Variants in IMPG2 observed in about 807,000 individuals in gnomAD.
The protein encoded by IMPG2 is interphotoreceptor matrix proteoglycan 2.
IMPG2 carries 91 observed loss-of-function variants against 129.2 expected under a neutral mutation model. The observed-to-expected ratio is 0.70, with a 90% CI of 0.59 to 0.84. IMPG2 has a LOEUF of 0.84. Ranked by LOEUF, IMPG2 falls within the 40% of genes least tolerant of loss-of-function variation. IMPG2 has a pLI of 0.00. For missense variants in IMPG2, 1,430 were observed against 1,461.7 expected, an observed-to-expected ratio of 0.98 and a Z score of 0.35; for synonymous variants, 510 against 517.7, an observed-to-expected ratio of 0.99 and a Z score of 0.20.
chr3:101,298,887 T>C (rs904727980), intron 3 of IMPG2, among the ~76,000 whole-genome samples: 3 of 152,196 alleles, frequency 2.0e-5, no homozygotes, highest in South Asian at 2.1e-4. Flanking sequence ...TTGGGGTTGA[T>C]CTTCTCATGC....
rs560007101 is a variant in IMPG2 at position 101,244,064 on chromosome 3, T to C, written c.2267A>G (p.Tyr756Cys). Residue 756 changes from tyrosine to cysteine, a missense_variant, in exon 13 of 19, where the codon TAT (tyrosine) becomes TGT (cysteine). Transcript: ENST00000193391. Reference protein sequence around the residue: ...DMEQITESSNYEWFDSEVSMV... With the variant: ...DMEQITESSNCEWFDSEVSMV... Reference sequence around the variant, plus strand: ...TGAAACCTCACTGTCAAACCATTCATAGTTGGATGACTCAGTAATTTGTTC... The same window carrying C: ...TGAAACCTCACTGTCAAACCATTCACAGTTGGATGACTCAGTAATTTGTTC... 19 of 1,614,026 alleles carry C rather than the reference T, an allele frequency of 1.2e-5. No homozygotes were observed. The highest frequency in any genetic ancestry group is 1.1e-4 in the East Asian group (5 of 44,882).
intron 11 of IMPG2, among the ~76,000 whole-genome samples, chr3:101,252,821 G>A (rs768216666): frequency 3.3e-5 from 5 of 152,026 alleles, no homozygotes; most frequent in Admixed American, 2.0e-4. Flanking sequence ...AATTTCCATC[G>A]CTCCATTAAA....
intron 5 of IMPG2, among the ~76,000 whole-genome samples, chr3:101,276,204 T>A (rs1440352639): frequency 6.6e-6 from 1 of 152,188 alleles, no homozygotes; most frequent in Non-Finnish European, 1.5e-5. Context: ...TGGGGTTTTT[T>A]AATTAAAAAT....
At chr3:101,236,869 C>T (rs556024652) in intron 14 of IMPG2, among the ~76,000 whole-genome samples, 14 of 152,112 alleles carry the variant, frequency 9.2e-5, no homozygotes, top group Non-Finnish European at 1.6e-4. Flanking sequence ...AAGATAGAAC[C>T]GTTTACTGCC....
At chr3:101,264,881 T>TCCCC (rs1706706413) in intron 9 of IMPG2, among the ~76,000 whole-genome samples, 1 of 151,362 alleles carries the variant, frequency 6.6e-6, no homozygotes, top group South Asian at 2.1e-4. Flanking sequence ...CTTAAAAAAA[T>TCCCC]CCAGTGGCAT....
intron 11 of IMPG2, 55 bp from the exon 12 acceptor site, chr3:101,246,160 T>A (rs565476742): frequency 1.3e-6 from 2 of 1,530,530 alleles, no homozygotes; most frequent in African/African-American, 2.7e-5. Flanking sequence ...ATATAAAAAG[T>A]GATTTTAAAT....
intron 14 of IMPG2, among the ~76,000 whole-genome samples, chr3:101,236,032 T>G (rs1248400408): frequency 6.6e-6 from 1 of 152,198 alleles, no homozygotes; most frequent in Non-Finnish European, 1.5e-5. Flanking sequence ...GATAAAGCCT[T>G]CTCCATTACC....
chr3:101,304,996 A>G (rs1707174057), intron 2 of IMPG2, among the ~76,000 whole-genome samples: 1 of 152,126 alleles, frequency 6.6e-6, no homozygotes. Context: ...ACAGAAAATA[A>G]TAATCTTTTT....
At chr3:101,248,336 C>T (rs1706506090) in intron 11 of IMPG2, among the ~76,000 whole-genome samples, 2 of 152,190 alleles carry the variant, frequency 1.3e-5, no homozygotes, top group Admixed American at 6.5e-5. Flanking sequence ...GTGACACGTG[C>T]CTTTCACCTT....
At chr3:101,262,184 T>C (rs1410306076) in intron 9 of IMPG2, among the ~76,000 whole-genome samples, 1 of 152,090 alleles carries the variant, frequency 6.6e-6, no homozygotes. Context: ...TATAGCTTCT[T>C]TTAGGAAGAA....
intron 10 of IMPG2, among the ~76,000 whole-genome samples, chr3:101,254,385 G>T (rs773236159): frequency 6.6e-6 from 1 of 152,052 alleles, no homozygotes; most frequent in Non-Finnish European, 1.5e-5. Flanking sequence ...TTCTCTTCTA[G>T]AAGCATTGCA....
At chr3:101,229,313 AC>A in intron 17 of IMPG2, 66 bp downstream of exon 17, 18 of 401,272 alleles carry the variant, frequency 4.5e-5, no homozygotes, top group Middle Eastern at 7.7e-4. Context: ...CCCACCCACC[AC>A]CCCCTGCTCC....
chr3:101,320,219 T>C lies in IMPG2; in HGVS notation c.85+69A>G, dbSNP rs531328563. On this transcript the variant is annotated intron_variant, in intron 1 of 18. Coordinates refer to ENST00000193391, the MANE Select transcript of IMPG2 (RefSeq NM_016247.4). ...CATTTCTTACAGCAATCACATCAAA[T>C]AATCCTATTTTTGAAGAACATATAC... 3.2e-5 allele frequency: 29 copies of C among 905,070 alleles called. No homozygotes were observed. In the Admixed American group the frequency reaches 3.4e-4, roughly 11 times the overall value. The allele number at this position is 905,070 out of a possible 1,614,324, so 56.1% of individuals were successfully genotyped here.
chr3:101,230,918 A>AAT, intron 16 of IMPG2, 39 bp downstream of exon 16: 1 of 1,566,960 alleles, frequency 6.4e-7, no homozygotes, highest in South Asian at 1.1e-5. Context: ...GTGTAAATGG[A>AAT]ACATTGTATT....
chr3:101,269,846 C>T (rs906805170), intron 7 of IMPG2, among the ~76,000 whole-genome samples: 30 of 150,304 alleles, frequency 2.0e-4, no homozygotes, highest in African/African-American at 7.1e-4. Flanking sequence ...TGGCAAAGCA[C>T]TGTTTTTCCC....
chr3:101,239,815 A>G (rs1706386660), intron 14 of IMPG2, among the ~76,000 whole-genome samples: 1 of 152,244 alleles, frequency 6.6e-6, no homozygotes, highest in Middle Eastern at 3.2e-3. Flanking sequence ...GAACTAACAC[A>G]GTAATAGAAA....
At position 101,238,283 on chromosome 3, in the gene IMPG2, T is replaced by A. The variant is rs1032731089; in HGVS notation, c.3022+4405A>T. Among the ~76,000 whole-genome samples, 3 of 152,144 alleles carry A rather than the reference T, an allele frequency of 2.0e-5. No homozygotes were observed. In the South Asian group the frequency reaches 6.2e-4, roughly 32 times the overall value. On this transcript the variant is annotated intron_variant, in intron 14 of 18. Transcript: ENST00000193391. ...AGTGATGGGGAGAATGGAACCAAGT[T>A]GGAAAACAGTCTGCAGGATATTATC...
At chr3:101,256,154 AAAG>A (rs1453668772) in intron 10 of IMPG2, among the ~76,000 whole-genome samples, 1 of 102,026 alleles carries the variant, frequency 9.8e-6, no homozygotes, top group Non-Finnish European at 2.1e-5. Context: ...GAAAAGAAAG[AAAG>A]AAAGAAAGAA....
Position 101,257,305 on chromosome 3 carries a change from A to C in IMPG2, c.1153+224T>G, listed in dbSNP as rs1706621269. Among the ~76,000 whole-genome samples the C allele has an allele frequency of 2.0e-5, 3 of 152,194 alleles. No individual in the cohort carries two copies. In the South Asian group the frequency reaches 6.2e-4, roughly 32 times the overall value. ...TTTCTCTAAACTACTTCTAACTGCC[A>C]CTTTCCACACTCTGTGGCCTTTTGT... On this transcript the variant is annotated intron_variant, in intron 10 of 18. Transcript: ENST00000193391.
Sources: allele counts gnomAD v4.1 joint callset (sites outside exome capture counted in the v4.1 genomes callset), GRCh38; gene constraint gnomAD v4.1.1; transcripts MANE v1.5; gene names NCBI Gene and HGNC (gene_info 2026-07-23, HGNC 2026-07-21).